The following ADAMTS6 variants were observed in gnomAD, a reference collection of about 807,000 sequenced individuals.
ADAMTS6 encodes A disintegrin and metalloproteinase with thrombospondin motifs 6.
ADAMTS6 carries 23 observed loss-of-function variants against 144.3 expected under a neutral mutation model. That is an observed-to-expected ratio of 0.16 (90% CI 0.11 to 0.23). The LOEUF (loss-of-function observed/expected upper bound fraction) is 0.23, where lower values mean the gene tolerates loss of function less well. Ranked by LOEUF, ADAMTS6 falls within the 10% of genes least tolerant of loss-of-function variation. The pLI is 1.00. For missense variants in ADAMTS6, 999 were observed against 1,379.6 expected (o/e 0.72, Z 4.37); for synonymous variants, 444 against 457.5 (o/e 0.97, Z 0.38).
intron 7 of ADAMTS6, among the ~76,000 whole-genome samples, chr5:65,352,066 C>T (rs887732793): frequency 2.6e-5 from 4 of 151,460 alleles, no homozygotes; most frequent in Non-Finnish European, 4.4e-5. Context: ...AAAGTAATCT[C>T]GATGTTCTAT....
chr5:65,340,854 A>T (rs1042893029), intron 7 of ADAMTS6, among the ~76,000 whole-genome samples: 1 of 152,076 alleles, frequency 6.6e-6, no homozygotes, highest in African/African-American at 2.4e-5. Flanking sequence ...AGTATTATTT[A>T]AAAAATAATA....
At chr5:65,168,440 G>A (rs1163714656) in intron 24 of ADAMTS6, among the ~76,000 whole-genome samples, 19 of 145,728 alleles carry the variant, frequency 1.3e-4, no homozygotes, top group Non-Finnish European at 2.3e-4. Flanking sequence ...AATCAATATC[G>A]TGAAAATGGC....
At chr5:65,169,009 G>T (rs1159821604) in intron 24 of ADAMTS6, among the ~76,000 whole-genome samples, 1 of 127,288 alleles carries the variant, frequency 7.9e-6, no homozygotes. Flanking sequence ...CAAAAGCAAT[G>T]GCAACAAAAG....
intron 7 of ADAMTS6, among the ~76,000 whole-genome samples, chr5:65,427,482 GA>G (rs1226679208): frequency 2.0e-5 from 3 of 152,072 alleles, no homozygotes; most frequent in Admixed American, 2.0e-4. Flanking sequence ...CTAAAATTTA[GA>G]ATAAAAGCAG....
chr5:65,263,414 T>TAA (rs747254767), intron 12 of ADAMTS6, among the ~76,000 whole-genome samples: 7 of 123,252 alleles, frequency 5.7e-5, no homozygotes, highest in East Asian at 2.3e-4. Flanking sequence ...TGCTCTTTCT[T>TAA]AAAAAAAAAA....
chr5:65,222,652 G>A (rs1015057394), intron 18 of ADAMTS6, among the ~76,000 whole-genome samples: 3 of 151,840 alleles, frequency 2.0e-5, no homozygotes, highest in Non-Finnish European at 2.9e-5. Context: ...GGTATCAGTC[G>A]TAGTATGCAC....
intron 15 of ADAMTS6, among the ~76,000 whole-genome samples, chr5:65,237,401 A>G (rs896032504): frequency 3.1e-4 from 37 of 120,578 alleles, no homozygotes; most frequent in African/African-American, 1.1e-3. Flanking sequence ...AAAAAAAAAA[A>G]AAAAGAAAAC....
At chr5:65,282,521 G>A (rs1243074308) in intron 11 of ADAMTS6, among the ~76,000 whole-genome samples, 1 of 152,102 alleles carries the variant, frequency 6.6e-6, no homozygotes, top group African/African-American at 2.4e-5. Flanking sequence ...CCTGGAAAGG[G>A]AAGGGGATTC....
At chr5:65,386,824 T>G (rs1752512399) in intron 7 of ADAMTS6, among the ~76,000 whole-genome samples, 3 of 152,190 alleles carry the variant, frequency 2.0e-5, no homozygotes, top group Admixed American at 1.3e-4. Context: ...TGACCTCAAG[T>G]GATCCATTCG....
At chr5:65,272,196 C>T (rs1456346258) in intron 12 of ADAMTS6, among the ~76,000 whole-genome samples, 4 of 152,164 alleles carry the variant, frequency 2.6e-5, no homozygotes, top group African/African-American at 9.7e-5. Context: ...GCCCAGCTAA[C>T]ATGGAAGAAG....
intron 1 of ADAMTS6, among the ~76,000 whole-genome samples, chr5:65,480,430 T>C (rs1326884454): frequency 1.3e-5 from 2 of 150,140 alleles, no homozygotes; most frequent in Non-Finnish European, 2.9e-5. Context: ...CAGCGCTAAA[T>C]CTATTTGGAT....
intron 23 of ADAMTS6, among the ~76,000 whole-genome samples, chr5:65,172,424 A>C (rs1203432648): frequency 6.6e-6 from 1 of 152,002 alleles, no homozygotes; most frequent in Non-Finnish European, 1.5e-5. Context: ...AAAAGAAAAA[A>C]AAAAAAGAGT....
chr5:65,290,222 T>C (rs1248526986), intron 11 of ADAMTS6, among the ~76,000 whole-genome samples: 8 of 152,196 alleles, frequency 5.3e-5, no homozygotes, highest in Admixed American at 5.2e-4. Context: ...ATTATTATTA[T>C]TTCTAAAAGA....
intron 7 of ADAMTS6, among the ~76,000 whole-genome samples, chr5:65,399,958 CCA>C (rs1473677016): frequency 4.6e-5 from 7 of 151,810 alleles, no homozygotes; most frequent in African/African-American, 1.7e-4. Flanking sequence ...ATAAAATTTC[CCA>C]GTTTTTGTTC....
intron 7 of ADAMTS6, among the ~76,000 whole-genome samples, chr5:65,386,125 G>A (rs1015315727): frequency 2.6e-5 from 4 of 152,100 alleles, no homozygotes; most frequent in Non-Finnish European, 4.4e-5. Flanking sequence ...GAATACCAAT[G>A]ATTTCTCAAC....
intron 3 of ADAMTS6, among the ~76,000 whole-genome samples, chr5:65,464,138 T>G (rs1032950607): frequency 1.3e-5 from 2 of 152,244 alleles, no homozygotes; most frequent in Non-Finnish European, 2.9e-5. Context: ...AATATCTTCT[T>G]ACATCACAGG....
chr5:65,343,319 C>T (rs1457995069), intron 7 of ADAMTS6, among the ~76,000 whole-genome samples: 1 of 152,090 alleles, frequency 6.6e-6, no homozygotes, highest in Non-Finnish European at 1.5e-5. Flanking sequence ...GTAACCAAAA[C>T]AACATGGTAC....
rs1226187332 is a variant in ADAMTS6, at chr5:65,148,970, GC to G, written c.*2865del. The G allele has an allele frequency of 6.6e-6, 1 of 152,566 alleles. No homozygotes were observed. Among genetic ancestry groups the G allele is most frequent in the African/African-American group, 2.4e-5 (1 of 41,432 alleles). The allele number at this position is 152,566 out of a possible 1,614,324, so 9.5% of individuals were successfully genotyped here. A position where few individuals can be genotyped will look rare whatever the true frequency, so the allele number is the denominator to read the frequency against. ...ATTATTACTGAGTATAAAATAATAA[GC>G]AACAACTAATCACAATAATACAAAG... is the stretch of plus-strand genomic sequence containing the variant. On this transcript the variant is annotated 3_prime_UTR_variant, in exon 25 of 25. Transcript: ENST00000381055.
chr5:65,418,091 A>G (rs140257870), intron 7 of ADAMTS6, among the ~76,000 whole-genome samples: 66 of 152,320 alleles, frequency 4.3e-4, no homozygotes, highest in African/African-American at 1.5e-3. Context: ...CTGATCGTCA[A>G]CAAAATCAAT....
Sources: gnomAD v4.1 joint callset for allele counts (sites outside exome capture counted in the v4.1 genomes callset) on GRCh38, gnomAD v4.1.1 for gene constraint, MANE v1.5 for transcripts, NCBI Gene and HGNC (gene_info 2026-07-23, HGNC 2026-07-21) for gene names.